SPG11: variants seen among roughly 807,000 people sequenced by gnomAD.
The protein encoded by SPG11 is SPG11 vesicle trafficking associated, spatacsin, also known as spatacsin.
A neutral mutation model predicts 274.0 loss-of-function variants in SPG11; 222 were observed. The observed-to-expected ratio is 0.81, with a 90% CI of 0.73 to 0.91. SPG11 has a LOEUF of 0.91. Ranked by LOEUF, SPG11 falls within the 40% of genes least tolerant of loss-of-function variation. The pLI is 0.00. For synonymous variants in SPG11, 1,144 were observed against 1,039.7 expected (o/e 1.10, Z -1.93); for missense variants, 3,114 against 2,872.7 (o/e 1.08, Z -1.92).
In SPG11 at chr15:44,595,503, G is replaced by C. The variant is rs569363898; in HGVS notation, c.4435-44C>G. 42 of 1,581,088 alleles carry C rather than the reference G, an allele frequency of 2.7e-5. No homozygotes were observed. In the South Asian group the frequency reaches 4.5e-4, roughly 17 times the overall value. ...AATAACAACTAGGCCTGGATTACCTGGCAAATGTACAAATACTACAGATGG... is the reference window on the plus strand; with the variant it reads ...AATAACAACTAGGCCTGGATTACCTCGCAAATGTACAAATACTACAGATGG... On this transcript the variant is annotated intron_variant, in intron 25 of 39. Transcript: ENST00000261866.
intron 8 of SPG11, among the ~76,000 whole-genome samples, chr15:44,632,377 T>C (rs955887047): frequency 6.6e-6 from 1 of 152,298 alleles, no homozygotes; most frequent in South Asian, 2.1e-4. Context: ...ATATACTTTA[T>C]TACCCTGTTG....
At chr15:44,639,573 T>A (rs958031371) in intron 7 of SPG11, among the ~76,000 whole-genome samples, 1 of 151,918 alleles carries the variant, frequency 6.6e-6, no homozygotes, top group African/African-American at 2.4e-5. Context: ...TGTGGTGGTG[T>A]GCAACCGTAG....
In SPG11 at chr15:44,663,421, C is replaced by T. The variant is rs777286963; in HGVS notation, c.227G>A (p.Gly76Asp). 4.4e-6 allele frequency: 7 copies of T among 1,606,092 alleles called. No homozygotes were observed. Among genetic ancestry groups the T allele is most frequent in the Admixed American group, 1.7e-5 (1 of 59,278 alleles). ...LSLTPGSRGGGRCCLEGPFWH... is the reference protein window; with the variant it reads ...LSLTPGSRGGDRCCLEGPFWH... ...GAAGGGGCCCTCCAGGCAGCAGCGACCCCCGCCCCGGCTGCCAGGCGTCAA... is the reference window on the plus strand; with the variant it reads ...GAAGGGGCCCTCCAGGCAGCAGCGATCCCCGCCCCGGCTGCCAGGCGTCAA... Residue 76 changes from glycine to aspartate, a missense_variant, in exon 1 of 40, where the codon GGT becomes GAT. Gly to Asp is a moderately conservative substitution (Grantham distance 94). Coordinates refer to ENST00000261866, the MANE Select transcript of SPG11 (RefSeq NM_025137.4).
At position 44,566,042 on chromosome 15, in the gene SPG11, A is replaced by G. The variant is rs778951003; in HGVS notation, c.6844-33T>C. On this transcript the variant is annotated intron_variant, in intron 37 of 39. Coordinates refer to ENST00000261866, the MANE Select transcript of SPG11 (RefSeq NM_025137.4). ...ACAAGGGTGGAGAGGCACAGTAGAGAAAGACCTAGTTGTCACCTCCTGTGT... is the reference window on the plus strand; with the variant it reads ...ACAAGGGTGGAGAGGCACAGTAGAGGAAGACCTAGTTGTCACCTCCTGTGT... The G allele has an allele frequency of 6.2e-6, 10 of 1,612,792 alleles. No homozygotes were observed. The East Asian group carries it at 1.3e-4, about 22-fold the overall frequency.
rs144165094 is a variant in SPG11, at chr15:44,567,546, C to T, written c.6632G>A (p.Arg2211His). The T allele has an allele frequency of 9.2e-4, 1,492 of 1,613,920 alleles. No individual in the cohort carries two copies. Among genetic ancestry groups the T allele is most frequent in the Middle Eastern group, 9.9e-4 (6 of 6,062 alleles). ...ATTGTGCTTTTCACTGTCTCCAGGA[C>T]GGCAGCGTTTGATGTAGTCCAGCAG... ...TALLDYIKRC[R>H]PGDSEKHNMI... is the part of the protein sequence containing the mutation. Residue 2211 changes from arginine (R) to histidine (H), a missense_variant, in exon 36 of 40, where the codon CGT becomes CAT. Transcript: ENST00000261866.
intron 10 of SPG11, 91 bp from the exon 11 acceptor site, chr15:44,626,598 A>C (rs1257902547): frequency 7.7e-7 from 1 of 1,307,144 alleles, no homozygotes; most frequent in Non-Finnish European, 1.1e-6. Context: ...GTAACATCTA[A>C]CAAAGGAACT....
Position 44,589,465 on chromosome 15 carries a change from A to T in SPG11, c.4744-51T>A, listed in dbSNP as rs541548815. ...GGAAAGCAGTTTCATGAGAATAGCA[A>T]ATCAAAACCTCCAAATCTGGGAACC... On this transcript the variant is annotated intron_variant, in intron 27 of 39. Coordinates refer to ENST00000261866, the MANE Select transcript of SPG11 (RefSeq NM_025137.4). 44 of 1,608,932 alleles carry T rather than the reference A, an allele frequency of 2.7e-5. No homozygotes were observed. The South Asian group carries it at 4.0e-4, about 14-fold the overall frequency.
rs78531494 is a variant in SPG11, at chr15:44,570,331, A to G, written c.6477+194T>C. Among the ~76,000 whole-genome samples the G allele has an allele frequency of 0.035, 5,336 of 152,198 alleles. 151 individuals are homozygous for G. The highest frequency in any genetic ancestry group is 0.054 in the Non-Finnish European group (3,700 of 67,992). ...GATCTTCTCCCTTTCGCTCCTTTGGAGCAACCTCTGATTCTGACAGAAATG... is the reference window on the plus strand; with the variant it reads ...GATCTTCTCCCTTTCGCTCCTTTGGGGCAACCTCTGATTCTGACAGAAATG... On this transcript the variant is annotated intron_variant, in intron 34 of 39. Transcript: ENST00000261866.
At chr15:44,597,627 G>A (rs1482238063) in intron 23 of SPG11, among the ~76,000 whole-genome samples, 2 of 152,172 alleles carry the variant, frequency 1.3e-5, no homozygotes. Flanking sequence ...GTGGGTGCCT[G>A]GGCCTCCTCA....
intron 17 of SPG11, among the ~76,000 whole-genome samples, chr15:44,611,809 C>CTTTTTT (rs71111871): frequency 5.9e-5 from 7 of 119,480 alleles, no homozygotes; most frequent in East Asian, 2.4e-4. Flanking sequence ...TGGTCACTGT[C>CTTTTTT]TTTTTTTTTT....
At chr15:44,649,568 A>C (rs1034238406) in intron 6 of SPG11, among the ~76,000 whole-genome samples, 1 of 151,998 alleles carries the variant, frequency 6.6e-6, no homozygotes, top group Non-Finnish European at 1.5e-5. Context: ...CACAAGGCAA[A>C]TTCTTATAAG....
rs769913756 is a variant in SPG11, at chr15:44,652,184, G to A, written c.952C>T (p.Pro318Ser). 3.7e-6 allele frequency: 6 copies of A among 1,614,078 alleles called. No individual in the cohort carries two copies. The highest frequency in any genetic ancestry group is 3.3e-5 in the Admixed American group (2 of 60,020). The change falls in exon 5 of 40, where the codon CCT becomes TCT. Residue 318 changes from proline to serine, a missense_variant. Pro to Ser is a moderately conservative substitution (Grantham distance 74). Transcript: ENST00000261866. ...TTCATGTTGTAGGCAGAGTTAACAG[G>A]ATCATCTTCATCTACGCCCTTAGGT... ...QGPKGVDEDD[P>S]VNSAYNMKLA...
At chr15:44,614,031 G>A (rs553046553) in intron 16 of SPG11, among the ~76,000 whole-genome samples, 20 of 152,236 alleles carry the variant, frequency 1.3e-4, no homozygotes, top group African/African-American at 4.6e-4. Context: ...GTGACAGAGT[G>A]AGACTGTCTC....
intron 9 of SPG11, 88 bp downstream of exon 9, chr15:44,629,145 G>T: frequency 6.9e-7 from 1 of 1,446,920 alleles, no homozygotes; most frequent in Non-Finnish European, 9.7e-7. Flanking sequence ...CGTGCCACTG[G>T]TTTATGCTGT....
intron 7 of SPG11, among the ~76,000 whole-genome samples, chr15:44,635,467 G>A (rs2141061697): frequency 6.6e-6 from 1 of 151,930 alleles, no homozygotes; most frequent in East Asian, 1.9e-4. Flanking sequence ...GTAGCTGGGT[G>A]TGGTGGCGCA....
chr15:44,599,036 G>A (rs1168170041), intron 21 of SPG11, among the ~76,000 whole-genome samples, 200 bp from the exon 22 acceptor site: 1 of 152,076 alleles, frequency 6.6e-6, no homozygotes, highest in Admixed American at 6.6e-5. Flanking sequence ...AGAGCCCCCC[G>A]CTTCCCTTAA....
chr15:44,638,626 G>A (rs979502844), intron 7 of SPG11, among the ~76,000 whole-genome samples: 1 of 151,966 alleles, frequency 6.6e-6, no homozygotes, highest in African/African-American at 2.4e-5. Context: ...CTAGTTTAGG[G>A]CACAAAGGAG....
At chr15:44,621,732 T>G in intron 14 of SPG11, 27 bp downstream of exon 14, 1 of 1,605,946 alleles carries the variant, frequency 6.2e-7, no homozygotes, top group Non-Finnish European at 8.5e-7. Flanking sequence ...TTCAGTATGT[T>G]CATATTTCAG....
At chr15:44,643,174 A>C (rs1389782494) in intron 7 of SPG11, among the ~76,000 whole-genome samples, 1 of 152,180 alleles carries the variant, frequency 6.6e-6, no homozygotes, top group Non-Finnish European at 1.5e-5. Context: ...TGTGAATTAA[A>C]ATCCTGGTGC....
Sources: allele counts gnomAD v4.1 joint callset (sites outside exome capture counted in the v4.1 genomes callset), GRCh38; gene constraint gnomAD v4.1.1; transcripts MANE v1.5; gene names NCBI Gene and HGNC (gene_info 2026-07-23, HGNC 2026-07-21).